Variants in MOBP observed in about 807,000 individuals in gnomAD.
The protein encoded by MOBP is myelin associated oligodendrocyte basic protein, also known as myelin-associated oligodendrocyte basic protein.
Under a neutral mutation model 15.0 loss-of-function variants are expected in MOBP, and 5 were observed. The ratio of observed to expected loss-of-function variants is 0.33; its 90% CI spans 0.17 to 0.70. The LOEUF is 0.70. Ranked by LOEUF, MOBP falls within the 30% of genes least tolerant of loss-of-function variation. The probability of loss-of-function intolerance (pLI) is 0.67; values close to 1 mark genes in which losing one functional copy is unlikely to be tolerated. For synonymous variants in MOBP, 88 were observed against 99.0 expected (o/e 0.89, Z 0.66); for missense variants, 188 against 257.8 (o/e 0.73, Z 1.85).
At chr3:39,485,348 G>A (rs1340626880) in intron 2 of MOBP, among the ~76,000 whole-genome samples, 2 of 151,984 alleles carry the variant, frequency 1.3e-5, no homozygotes, top group Admixed American at 6.6e-5. Context: ...GTTTTTTACT[G>A]TGTAAATCTA....
At chr3:39,518,342 G>C (rs1396328717), downstream of MOBP, among the ~76,000 whole-genome samples, 2 of 152,196 alleles carry the variant, frequency 1.3e-5, no homozygotes, top group Non-Finnish European at 2.9e-5. Flanking sequence ...CAGCAGGGAT[G>C]TTGGTCCTTT....
downstream of MOBP, among the ~76,000 whole-genome samples, chr3:39,506,162 A>G (rs2043045518): frequency 6.6e-6 from 1 of 151,950 alleles, no homozygotes; most frequent in South Asian, 2.1e-4. Context: ...TCTCTTTCTC[A>G]TTAGCATTTT....
At chr3:39,468,496 A>C (rs550760309) in intron 1 of MOBP, among the ~76,000 whole-genome samples, 1 of 152,180 alleles carries the variant, frequency 6.6e-6, no homozygotes, top group East Asian at 1.9e-4. Flanking sequence ...TTTCGTATTT[A>C]GAATGACAGG....
chr3:39,499,182 C>G (rs2042932646), intron 2 of MOBP, among the ~76,000 whole-genome samples: 1 of 152,212 alleles, frequency 6.6e-6, no homozygotes, highest in Non-Finnish European at 1.5e-5. Flanking sequence ...AAGGTTAATC[C>G]TAAAGTGTTT....
At position 39,502,459 on chromosome 3, in the gene MOBP, C is replaced by T. The variant is rs1204594365; in HGVS notation, c.207-76C>T. ...GGGAGCAGGGCCTTCCTACCTGTTTCCAGCTCCTGCCAGCGTCGCTTAAGC... is the reference window on the plus strand; with the variant it reads ...GGGAGCAGGGCCTTCCTACCTGTTTTCAGCTCCTGCCAGCGTCGCTTAAGC... On this transcript the variant is annotated intron_variant, in intron 3 of 3. Transcript: ENST00000684792. This position sits in a 1 kb window ranked among gnomAD's most constrained non-coding sequence, Gnocchi z 6.3. The T allele has an allele frequency of 5.9e-6, 9 of 1,532,722 alleles. No individual in the cohort carries two copies. The highest frequency in any genetic ancestry group is 2.0e-5 in the Admixed American group (1 of 50,660). The allele number at this position is 1,532,722 out of a possible 1,614,324, so 94.9% of individuals were successfully genotyped here.
intron 2 of MOBP, among the ~76,000 whole-genome samples, chr3:39,495,191 C>T (rs2042860082): frequency 6.6e-6 from 1 of 152,164 alleles, no homozygotes; most frequent in Non-Finnish European, 1.5e-5. Context: ...CAAATTTGAA[C>T]AACTGTTGGA....
chr3:39,506,056 C>G (rs1209849207), downstream of MOBP, among the ~76,000 whole-genome samples: 1 of 152,112 alleles, frequency 6.6e-6, no homozygotes, highest in South Asian at 2.1e-4. Context: ...AGGCCAGTCC[C>G]CCACCCCTCC....
At chr3:39,471,953 C>G (rs9869819) in intron 1 of MOBP, among the ~76,000 whole-genome samples, 2,901 of 152,326 alleles carry the variant, frequency 0.019, 69 homozygotes, top group African/African-American at 0.065. Flanking sequence ...ATGAGGGCTT[C>G]TGGTGTCTTC....
At chr3:39,518,397 A>T (rs867728219), downstream of MOBP, among the ~76,000 whole-genome samples, 3 of 152,204 alleles carry the variant, frequency 2.0e-5, no homozygotes, top group Non-Finnish European at 4.4e-5. Context: ...TGAGGAAGAA[A>T]GTCTGGGTCC....
chr3:39,517,912 A>G (rs2043222718), downstream of MOBP: 1 of 152,242 alleles, frequency 6.6e-6, no homozygotes. Flanking sequence ...TGCATAAGGT[A>G]CATTGACATA....
chr3:39,511,986 G>T (rs903004128), intron 4 of MOBP, among the ~76,000 whole-genome samples: 6 of 152,114 alleles, frequency 3.9e-5, no homozygotes, highest in African/African-American at 1.4e-4. Flanking sequence ...TAAAATGAGG[G>T]TATTATCTAT....
intron 2 of MOBP, among the ~76,000 whole-genome samples, chr3:39,497,123 G>A (rs898294682): frequency 6.6e-6 from 1 of 152,180 alleles, no homozygotes; most frequent in Admixed American, 6.5e-5. Flanking sequence ...ATCCATCTGA[G>A]TTTTCTAACT....
downstream of MOBP, among the ~76,000 whole-genome samples, chr3:39,504,188 A>G (rs1261872909): frequency 6.6e-6 from 1 of 152,270 alleles, no homozygotes; most frequent in Non-Finnish European, 1.5e-5. Context: ...TTTAATAGCA[A>G]GTTGTATGAC....
At chr3:39,493,424 T>A (rs561663528) in intron 2 of MOBP, among the ~76,000 whole-genome samples, 9 of 152,198 alleles carry the variant, frequency 5.9e-5, no homozygotes, top group African/African-American at 1.9e-4. Flanking sequence ...TTTAGAACTT[T>A]CAAGGTTAGT....
intron 1 of MOBP, among the ~76,000 whole-genome samples, chr3:39,471,597 C>T (rs996863954): frequency 2.6e-5 from 4 of 152,170 alleles, no homozygotes; most frequent in Non-Finnish European, 5.9e-5. Flanking sequence ...GTATTTCAGT[C>T]TCTGTCAACC....
At chr3:39,504,235 C>A (rs526303), downstream of MOBP, among the ~76,000 whole-genome samples, 1 of 152,244 alleles carries the variant, frequency 6.6e-6, no homozygotes, top group Non-Finnish European at 1.5e-5. Flanking sequence ...CTCTTAAGGA[C>A]CCTGAGTAGA....
chr3:39,483,828 A>G (rs1440347710), intron 2 of MOBP, among the ~76,000 whole-genome samples: 1 of 152,206 alleles, frequency 6.6e-6, no homozygotes, highest in Non-Finnish European at 1.5e-5. Context: ...CTTTCTATGG[A>G]GAGACAATTT....
downstream of MOBP, among the ~76,000 whole-genome samples, chr3:39,507,181 T>C (rs1575315966): frequency 6.6e-6 from 1 of 152,340 alleles, no homozygotes; most frequent in African/African-American, 2.4e-5. Flanking sequence ...GCCTATTCAC[T>C]CAGCAGATCA....
intron 2 of MOBP, among the ~76,000 whole-genome samples, chr3:39,488,981 C>A (rs1005940446): frequency 6.6e-6 from 1 of 152,028 alleles, no homozygotes; most frequent in Non-Finnish European, 1.5e-5. Flanking sequence ...CCTTCCTATC[C>A]TTCCCATTCC....
Sources: allele counts gnomAD v4.1 joint callset (sites outside exome capture counted in the v4.1 genomes callset), GRCh38; gene constraint gnomAD v4.1.1; non-coding constraint Gnocchi (gnomAD v3.1); transcripts MANE v1.5; gene names NCBI Gene and HGNC (gene_info 2026-07-23, HGNC 2026-07-21).